LRWD1: variants seen among roughly 807,000 people sequenced by gnomAD.
LRWD1 encodes the protein leucine rich repeats and WD repeat domain containing 1.
A neutral mutation model predicts 75.6 loss-of-function variants in LRWD1; 76 were observed. The observed-to-expected ratio is 1.01, with a 90% CI of 0.84 to 1.22. The LOEUF (loss-of-function observed/expected upper bound fraction) is 1.22. Among genes scored for constraint, LRWD1 ranks in the 50% most tolerant of loss-of-function variants. The pLI is 0.00. For missense variants in LRWD1, 917 were observed against 862.0 expected, an observed-to-expected ratio of 1.06 and a Z score of -0.80; for synonymous variants, 487 against 377.0, an observed-to-expected ratio of 1.29 and a Z score of -3.38.
In LRWD1 at chr7:102,465,870, G is replaced by C. The variant is rs773384348; in HGVS notation, c.134G>C (p.Arg45Pro). The change falls in exon 2 of 15, where the codon CGC (arginine) becomes CCC (proline). Residue 45 changes from arginine (R) to proline (P), a missense_variant. Transcript: ENST00000292616. ...SEHLDPKLLCRLTQLQELDLS... is the reference protein window; with the variant it reads ...SEHLDPKLLCPLTQLQELDLS... ...CACCTGGACCCCAAACTCCTGTGCC[G>C]CCTGACGCAGCTGCAGGAGCTTGAC... is the stretch of plus-strand genomic sequence containing the variant. 6.2e-7 allele frequency: 1 copy of C among 1,613,376 alleles called. No homozygotes were observed. Among genetic ancestry groups the C allele is most frequent in the Non-Finnish European group, 8.5e-7 (1 of 1,179,988 alleles).
chr7:102,466,226 A>G lies in LRWD1; in HGVS notation c.388A>G (p.Thr130Ala), dbSNP rs763641989. Residue 130 changes from threonine (T) to alanine (A), a missense_variant, in exon 3 of 15, where the codon ACT becomes GCT. Coordinates refer to ENST00000292616, the MANE Select transcript of LRWD1 (RefSeq NM_152892.3). ...RKVNGKDASS[T>A]YSQVENLNRE... ...GGTCAATGGCAAGGATGCGTCCTCA[A>G]CTTACTCTCAGGTGGAGAACCTGAA... The G allele has an allele frequency of 7.4e-6, 12 of 1,614,008 alleles. No homozygotes were observed. Among genetic ancestry groups the G allele is most frequent in the Admixed American group, 1.7e-5 (1 of 60,000 alleles).
intron 2 of LRWD1, 44 bp from the exon 3 acceptor site, chr7:102,466,110 C>G (rs1474623502): frequency 6.2e-7 from 1 of 1,610,518 alleles, no homozygotes; most frequent in African/African-American, 1.3e-5. Context: ...TGGGCTCAGG[C>G]TCAGCATCTC....
chr7:102,468,239 T>G (rs113296404), intron 6 of LRWD1, 24 bp from the exon 7 acceptor site: 1 of 1,601,452 alleles, frequency 6.2e-7, no homozygotes, highest in Non-Finnish European at 8.5e-7. Context: ...GCTGGGCAGC[T>G]GTGACCCTTC....
intron 3 of LRWD1, 150 bp from the exon 4 acceptor site, chr7:102,467,189 T>TGTGG: frequency 1.5e-6 from 1 of 664,348 alleles, no homozygotes; most frequent in Non-Finnish European, 2.6e-6. Flanking sequence ...TGTGTGTGTG[T>TGTGG]GTGTGTGTGT....
In LRWD1 at chr7:102,473,088, A is replaced by AACTT; in HGVS notation, c.*41_*44dup. ...CAAAGGACCAGGGACACAGCTAACT[A>AACTT]ACTTATTCAGCTTTGGGCCGATGGG... is the stretch of plus-strand genomic sequence containing the variant. On this transcript the variant is annotated 3_prime_UTR_variant, in exon 15 of 15. Coordinates refer to ENST00000292616, the MANE Select transcript of LRWD1 (RefSeq NM_152892.3). 6.4e-7 allele frequency: 1 copy of AACTT among 1,569,480 alleles called. No homozygotes were observed. The highest frequency in any genetic ancestry group is 8.7e-7 in the Non-Finnish European group (1 of 1,154,834).
At chr7:102,467,171 G>GTGTGTGTGTGTGTGTGTGTGT (rs1554579596) in intron 3 of LRWD1, among the ~76,000 whole-genome samples, 168 bp from the exon 4 acceptor site, 3 of 99,116 alleles carry the variant, frequency 3.0e-5, no homozygotes, top group African/African-American at 4.4e-5. Context: ...GTGTGTGTGG[G>GTGTGTGTGTGTGTGTGTGTGT]GTGTGTGTGT....
intron 1 of LRWD1, chr7:102,465,509 TTTTTTTTTTTTTTTTTG>T (rs1797938227): frequency 5.2e-6 from 1 of 191,620 alleles, no homozygotes; most frequent in South Asian, 1.9e-4. Context: ...TTTTTTTTTT[TTTTTTTTTTTTTTTTTG>T]TTAAGTGGTG....
Position 102,473,122 on chromosome 7 carries a change from G to C in LRWD1, c.*73G>C. The C allele has an allele frequency of 4.8e-6, 7 of 1,462,684 alleles. No individual in the cohort carries two copies. Among genetic ancestry groups the C allele is most frequent in the Non-Finnish European group, 6.5e-6 (7 of 1,084,716 alleles). The allele number at this position is 1,462,684 out of a possible 1,614,324, so 90.6% of individuals were successfully genotyped here. A position where few individuals can be genotyped will look rare whatever the true frequency, so the allele number is the denominator to read the frequency against. On this transcript the variant is annotated 3_prime_UTR_variant, in exon 15 of 15. Coordinates refer to ENST00000292616, the MANE Select transcript of LRWD1 (RefSeq NM_152892.3). ...AGCTTTGGGCCGATGGGGGTGGGGG[G>C]GGGTCTTTCAGTGAATATTTTTATT... is the stretch of plus-strand genomic sequence containing the variant.
rs1563653330 is a variant in LRWD1, at chr7:102,466,254, G to A, written c.416G>A (p.Arg139Gln). 5.0e-6 allele frequency: 8 copies of A among 1,613,742 alleles called. No homozygotes were observed. The highest frequency in any genetic ancestry group is 2.2e-5 in the East Asian group (1 of 44,896). ...STYSQVENLN[R>Q]ELTSRVTAHW... ...TACTCTCAGGTGGAGAACCTGAATCGGGAGCTGACCAGCAGGGTAAGGGGA... is the reference window on the plus strand; with the variant it reads ...TACTCTCAGGTGGAGAACCTGAATCAGGAGCTGACCAGCAGGGTAAGGGGA... Residue 139 changes from arginine (R) to glutamine (Q), a missense_variant, in exon 3 of 15, where the codon CGG becomes CAG. Physicochemically the swap from Arg to Gln is conservative, Grantham distance 43. Transcript: ENST00000292616.
At chr7:102,465,744 T>A in intron 1 of LRWD1, 73 bp from the exon 2 acceptor site, 1 of 1,112,148 alleles carries the variant, frequency 9.0e-7, no homozygotes, top group Non-Finnish European at 1.4e-6. Flanking sequence ...AAAAGCCTTC[T>A]GAGGTACCCG....
chr7:102,465,290 C>T (rs1233431619), intron 1 of LRWD1, 130 bp downstream of exon 1: 29 of 959,270 alleles, frequency 3.0e-5, no homozygotes, highest in Non-Finnish European at 4.0e-5. Flanking sequence ...GTCCAAATGT[C>T]TTCTTGTTGG....
At chr7:102,470,229 C>T (rs544397951) in intron 11 of LRWD1, 6 of 225,134 alleles carry the variant, frequency 2.7e-5, no homozygotes, top group African/African-American at 1.1e-4. Context: ...AAAGAGGGGC[C>T]GATGGCTAGC....
Position 102,466,006 on chromosome 7 carries a change from C to T in LRWD1, c.270C>T (p.Phe90=), listed in dbSNP as rs560935249. ...GGGATGTTACTGCCTTGTGCCAGTT[C>T]CCCAAGCTCGAGGAACTCAGCCTGG... is the stretch of plus-strand genomic sequence containing the variant. ...QLGDVTALCQ[F]PKLEELSLEG... is the part of the protein sequence containing the mutation. Residue 90 remains phenylalanine, a synonymous_variant, in exon 2 of 15, where the codon TTC becomes TTT. Transcript: ENST00000292616. 1.1e-5 allele frequency: 18 copies of T among 1,614,024 alleles called. No homozygotes were observed. Among genetic ancestry groups the T allele is most frequent in the African/African-American group, 6.7e-5 (5 of 75,054 alleles).
rs1215198553 is a variant in LRWD1, at chr7:102,468,653, A to T, written c.1019A>T (p.Glu340Val). 10 of 1,561,814 alleles carry T rather than the reference A, an allele frequency of 6.4e-6. No homozygotes were observed. Among genetic ancestry groups the T allele is most frequent in the Non-Finnish European group, 8.7e-6 (10 of 1,153,094 alleles). Residue 340 changes from glutamate (E) to valine (V), a missense_variant and splice_region_variant, in exon 8 of 15, where the codon GAG becomes GTG. Physicochemically the swap from Glu to Val is moderately radical, Grantham distance 121. Coordinates refer to ENST00000292616, the MANE Select transcript of LRWD1 (RefSeq NM_152892.3). ...IVLHKYKAPG[E>V]EFFSVAWTAL... ...CTCCACAAGTACAAGGCACCCGGCG[A>T]GGTGAGTGCAAGGCCCTGTCCCTGC...
In LRWD1 at chr7:102,465,859, A is replaced by G. The variant is rs11538919; in HGVS notation, c.123A>G (p.Lys41=). The G allele has an allele frequency of 0.068, 109,076 of 1,612,662 alleles. 4,019 individuals carry two copies. The highest frequency in any genetic ancestry group is 0.074 in the Non-Finnish European group (87,727 of 1,179,746). ...LELLSEHLDP[K]LLCRLTQLQE... ...TGCTTTCCGAGCACCTGGACCCCAA[A>G]CTCCTGTGCCGCCTGACGCAGCTGC... Residue 41 remains lysine (K), a synonymous_variant, in exon 2 of 15, where the codon AAA becomes AAG. Transcript: ENST00000292616.
chr7:102,465,060 C>A lies in LRWD1; in HGVS notation c.-21C>A. ...ACGCCGGGGTGGCCGACTGGGTCAG[C>A]GCGGGCTGCGCCTCCTCGCCATGGG... On this transcript the variant is annotated 5_prime_UTR_variant, in exon 1 of 15. Coordinates refer to ENST00000292616, the MANE Select transcript of LRWD1 (RefSeq NM_152892.3). The A allele has an allele frequency of 6.8e-7, 1 of 1,474,890 alleles. No individual in the cohort carries two copies. Among genetic ancestry groups the A allele is most frequent in the Non-Finnish European group, 9.0e-7 (1 of 1,113,966 alleles). 91.4% of individuals were successfully genotyped at this position (1,474,890 alleles called of 1,614,324 possible).
chr7:102,465,489 CTTTTTTTTTTTT>C (rs1007523343), intron 1 of LRWD1: 22 of 73,692 alleles, frequency 3.0e-4, no homozygotes, highest in African/African-American at 6.3e-4. Flanking sequence ...GTAGTTGCAG[CTTTTTTTTTTTT>C]TTTTTTTTTT....
At chr7:102,472,401 GAGA>G in intron 12 of LRWD1, 50 bp from the exon 13 acceptor site, 2 of 1,549,338 alleles carry the variant, frequency 1.3e-6, no homozygotes, top group South Asian at 1.2e-5. Context: ...TCTCTAGTGG[GAGA>G]AGGTGTCTGG....
At chr7:102,467,214 G>GTGT (rs1373006743) in intron 3 of LRWD1, 125 bp from the exon 4 acceptor site, 8 of 815,740 alleles carry the variant, frequency 9.8e-6, no homozygotes, top group African/African-American at 5.5e-5. Context: ...GTGTGTGTGT[G>GTGT]TTTTATGAGG....
Sources: gnomAD v4.1 joint callset for allele counts (sites outside exome capture counted in the v4.1 genomes callset) on GRCh38, gnomAD v4.1.1 for gene constraint, MANE v1.5 for transcripts, NCBI Gene and HGNC (gene_info 2026-07-23, HGNC 2026-07-21) for gene names.